PGGHG: variants seen among roughly 807,000 people sequenced by gnomAD.
The protein encoded by PGGHG is ATH1, acid trehalase-like 1.
Under a neutral mutation model 74.5 loss-of-function variants are expected in PGGHG, and 67 were observed. That is an observed-to-expected ratio of 0.90 (90% CI 0.74 to 1.10). PGGHG has a LOEUF of 1.10. PGGHG is among the 50% of genes least tolerant of loss of function. The pLI is 0.00. For missense variants in PGGHG, 1,034 were observed against 981.5 expected (o/e 1.05, Z -0.72); for synonymous variants, 496 against 419.9 (o/e 1.18, Z -2.21).
In PGGHG at chr11:291,608, CT is replaced by C. The variant is rs1052732919; in HGVS notation, c.907-367del. 2.1e-5 allele frequency: 6 copies of C among 283,866 alleles called. No homozygotes were observed. The Admixed American group carries it at 2.5e-4, about 12-fold the overall frequency. 17.6% of individuals were successfully genotyped at this position (283,866 alleles called of 1,614,324 possible). ...GGTGTCGAGAGTGACTGTGCTGGGG[CT>C]GCTCCATCGTTGTCTGAGCCTCCCG... On this transcript the variant is annotated intron_variant, in intron 4 of 13. Transcript: ENST00000409548.
rs1298981140 is a variant in PGGHG, at chr11:292,081, A to C, written c.1012A>C (p.Asn338His). Reference protein sequence around the residue: ...TLDGALENAQNLGYQGAKFAW... With the variant: ...TLDGALENAQHLGYQGAKFAW... Reference sequence around the variant, plus strand: ...GGACGGGGCCCTGGAGAACGCCCAGAACCTGGGCTACCAGGTGAGGGGACC... The same window carrying C: ...GGACGGGGCCCTGGAGAACGCCCAGCACCTGGGCTACCAGGTGAGGGGACC... The change falls in exon 5 of 14, where the codon AAC (asparagine) becomes CAC (histidine). Residue 338 changes from asparagine to histidine, a missense_variant. Transcript: ENST00000409548. The C allele has an allele frequency of 6.4e-7, 1 of 1,563,400 alleles. No individual in the cohort carries two copies. Among genetic ancestry groups the C allele is most frequent in the Non-Finnish European group, 8.7e-7 (1 of 1,153,848 alleles).
intron 9 of PGGHG, 23 bp downstream of exon 9, chr11:293,525 TC>T: frequency 1.9e-6 from 3 of 1,611,720 alleles, no homozygotes; most frequent in Non-Finnish European, 8.5e-7. Context: ...CTTCAAGGGC[TC>T]CTCCCCTGCC....
rs149574885 is a variant in PGGHG, at chr11:294,460, C to T, written c.2002C>T (p.Arg668Trp). ...GGCTGAGCTGTGGCCATCCCAGTCC[C>T]GGCTCTCCCTGTTGCCAGGTAGAAC... ...LEAELWPSQS[R>W]LSLLPGHKVS... Residue 668 changes from arginine to tryptophan, a missense_variant, in exon 13 of 14, where the codon CGG becomes TGG. Arg to Trp is a moderately radical substitution (Grantham distance 101). Transcript: ENST00000409548. 2.5e-5 allele frequency: 32 copies of T among 1,300,350 alleles called. No homozygotes were observed. Among genetic ancestry groups the T allele is most frequent in the Non-Finnish European group, 2.9e-5 (29 of 987,448 alleles). The allele number at this position is 1,300,350 out of a possible 1,614,324, so 80.6% of individuals were successfully genotyped here.
rs566025700 is a variant in PGGHG, at chr11:290,453, G to A, written c.323G>A (p.Arg108His). The change falls in exon 3 of 14, where the codon CGC becomes CAC. Residue 108 changes from arginine (R) to histidine (H), a missense_variant. Physicochemically the swap from Arg to His is conservative, Grantham distance 29. Coordinates refer to ENST00000409548, the MANE Select transcript of PGGHG (RefSeq NM_025092.5). ...FRASQCIYAH[R>H]TLPHVLAFRV... The stretch of plus-strand genomic sequence containing the variant: ...GCCTCCCAGTGCATCTATGCGCATC[G>A]CACGCTGCCCCACGTGCTGGCTTTC... 5.2e-6 allele frequency: 8 copies of A among 1,549,390 alleles called. No homozygotes were observed. The highest frequency in any genetic ancestry group is 2.4e-5 in the East Asian group (1 of 40,918).
Position 293,688 on chromosome 11 carries a change from C to A in PGGHG, c.1575C>A (p.Tyr525Ter), listed in dbSNP as rs569659086. The change falls in exon 10 of 14, where the codon TAC (tyrosine) becomes TAA (stop). Residue 525 changes from tyrosine to a stop codon, truncating the protein, a stop_gained. Coordinates refer to ENST00000409548, the MANE Select transcript of PGGHG (RefSeq NM_025092.5). LOFTEE classifies it high-confidence loss of function. The part of the protein sequence containing the change: ...PDVRRKNLEI[Y>*]EAVTSPQGPA... Reference sequence around the variant, plus strand: ...TTCGCAGGAAAAATCTGGAGATTTACGAGGCTGTGACGTCCCCCCAGGGCC... The same window carrying A: ...TTCGCAGGAAAAATCTGGAGATTTAAGAGGCTGTGACGTCCCCCCAGGGCC... The A allele has an allele frequency of 1.9e-6, 3 of 1,613,250 alleles. No individual in the cohort carries two copies. Among genetic ancestry groups the A allele is most frequent in the Non-Finnish European group, 2.5e-6 (3 of 1,179,974 alleles).
At position 290,567 on chromosome 11, in the gene PGGHG, A is replaced by C; in HGVS notation, c.437A>C (p.Asp146Ala). 2 of 1,552,616 alleles carry C rather than the reference A, an allele frequency of 1.3e-6. No individual in the cohort carries two copies. Among genetic ancestry groups the C allele is most frequent in the Non-Finnish European group, 1.7e-6 (2 of 1,148,010 alleles). The change falls in exon 3 of 14, where the codon GAC (aspartate) becomes GCC (alanine). Residue 146 changes from aspartate to alanine, a missense_variant. Transcript: ENST00000409548. ...TTCTCCCCAGAAAGCCCAGACCTGG[A>C]CCTGCATCAGGGTCCTGACTTCCAG... The part of the protein sequence containing the change: ...SAFSPESPDL[D>A]LHQGPDFQGA...
In PGGHG at chr11:289,293, C is replaced by T. The variant is rs1192346072; in HGVS notation, c.-14+54C>T. 1 of 146,528 alleles carries T rather than the reference C, an allele frequency of 6.8e-6. No homozygotes were observed. Among genetic ancestry groups the T allele is most frequent in the African/African-American group, 2.5e-5 (1 of 40,160 alleles). The allele number at this position is 146,528 out of a possible 1,614,324, so 9.1% of individuals were successfully genotyped here. The stretch of plus-strand genomic sequence containing the variant: ...CTCCCGGCCGCCCCGGCCCGTCCCC[C>T]CAGCCCCCGGTCGCCCCATCCTCCC... On this transcript the variant is annotated intron_variant, in intron 1 of 13. Transcript: ENST00000409548. This position sits in a 1 kb window ranked among gnomAD's most constrained non-coding sequence, Gnocchi z 5.6.
Position 289,210 on chromosome 11 carries a change from G to C in PGGHG, c.-43G>C, listed in dbSNP as rs1845642684. The stretch of plus-strand genomic sequence containing the variant: ...GGAGCAGAGGGACACAGGTTCCCAC[G>C]CTGGCGCCCGGCGACCGGGTGGGGC... On this transcript the variant is annotated 5_prime_UTR_variant, in exon 1 of 14. Coordinates refer to ENST00000409548, the MANE Select transcript of PGGHG (RefSeq NM_025092.5). This position sits in a 1 kb window ranked among gnomAD's most constrained non-coding sequence, Gnocchi z 5.6. 1 of 151,178 alleles carries C rather than the reference G, an allele frequency of 6.6e-6. No homozygotes were observed. Among genetic ancestry groups the C allele is most frequent in the Admixed American group, 6.6e-5 (1 of 15,222 alleles). 9.4% of individuals were successfully genotyped at this position (151,178 alleles called of 1,614,324 possible). A position where few individuals can be genotyped will look rare whatever the true frequency, so the allele number is the denominator to read the frequency against.
rs376440498 is a variant in PGGHG at position 290,699 on chromosome 11, C to G, written c.492C>G (p.Leu164=). 6 of 1,603,502 alleles carry G rather than the reference C, an allele frequency of 3.7e-6. No homozygotes were observed. The highest frequency in any genetic ancestry group is 1.3e-5 in the African/African-American group (1 of 74,754). ...ACAGGTACCTGTATGGCCACACCCT[C>G]ACCCCTGAGCAGCCCGGGGGGCCAC... is the stretch of plus-strand genomic sequence containing the variant. ...QGARYLYGHT[L]TPEQPGGPQQ... Residue 164 remains leucine, a synonymous_variant, in exon 4 of 14, where the codon CTC becomes CTG. Transcript: ENST00000409548.
At chr11:293,780 G>C in intron 10 of PGGHG, 50 bp from the exon 11 acceptor site, 1 of 1,613,418 alleles carries the variant, frequency 6.2e-7, no homozygotes, top group Non-Finnish European at 8.5e-7. Context: ...AGTCTTCTCT[G>C]CCCACGCAGT....
At chr11:293,087 C>T (rs1332964160) in intron 7 of PGGHG, 76 bp from the exon 8 acceptor site, 1 of 1,613,800 alleles carries the variant, frequency 6.2e-7, no homozygotes, top group East Asian at 2.2e-5. Flanking sequence ...GTGTGCCAGC[C>T]CCACGCTGAC....
At position 289,646 on chromosome 11, in the gene PGGHG, C is replaced by T. The variant is rs952045311; in HGVS notation, c.-13-158C>T. On this transcript the variant is annotated intron_variant, in intron 1 of 13. Transcript: ENST00000409548. This position sits in a 1 kb window ranked among gnomAD's most constrained non-coding sequence, Gnocchi z 5.6. ...CTCTGAGAGTCGAGCTCCTTTCCTG[C>T]GAGGCCCCGTCTAGGAGGGGCCTCA... The T allele has an allele frequency of 2.2e-6, 2 of 901,192 alleles. No homozygotes were observed. The highest frequency in any genetic ancestry group is 1.7e-5 in the African/African-American group (1 of 59,074). The allele number at this position is 901,192 out of a possible 1,614,324, so 55.8% of individuals were successfully genotyped here. A position where few individuals can be genotyped will look rare whatever the true frequency, so the allele number is the denominator to read the frequency against.
At chr11:290,355 T>G in intron 2 of PGGHG, 35 bp from the exon 3 acceptor site, 1 of 1,530,858 alleles carries the variant, frequency 6.5e-7, no homozygotes, top group Non-Finnish European at 8.8e-7. Context: ...GGCCATAGCT[T>G]GGCAACCCAC....
intron 4 of PGGHG, chr11:291,549 A>G (rs1564840258): frequency 4.1e-6 from 1 of 244,600 alleles, no homozygotes. Flanking sequence ...CTGAGGGCAC[A>G]GAGCGGAGGG....
rs758981786 is a variant in PGGHG at position 290,415 on chromosome 11, C to G, written c.285C>G (p.Gly95=). ...NTGSFLHTLE[G]PRFRASQCIY... The stretch of plus-strand genomic sequence containing the variant: ...GCTCCTTTCTTCACACCCTGGAGGG[C>G]CCCCGCTTCCGGGCCTCCCAGTGCA... Residue 95 remains glycine (G), a synonymous_variant, in exon 3 of 14, where the codon GGC becomes GGG. Transcript: ENST00000409548. 6.5e-7 allele frequency: 1 copy of G among 1,547,122 alleles called. No homozygotes were observed. Among genetic ancestry groups the G allele is most frequent in the South Asian group, 1.2e-5 (1 of 83,980 alleles).
rs1185787241 is a variant in PGGHG at position 292,614 on chromosome 11, C to T, written c.1095C>T (p.Val365=). 2 of 1,613,736 alleles carry T rather than the reference C, an allele frequency of 1.2e-6. No homozygotes were observed. The highest frequency in any genetic ancestry group is 1.7e-6 in the Non-Finnish European group (2 of 1,180,008). Residue 365 remains valine (V), a synonymous_variant, in exon 6 of 14, where the codon GTC becomes GTT. Transcript: ENST00000409548. ...LEVCPEDIYG[V]QEVHVNGAVV... is the part of the protein sequence containing the mutation. ...TTTGCCCTGAGGACATTTACGGAGT[C>T]CAGGAGGTCCACGTCAACGGGGCCG...
chr11:291,853 T>C, intron 4 of PGGHG, 123 bp from the exon 5 acceptor site: 1 of 1,372,578 alleles, frequency 7.3e-7, no homozygotes, highest in Non-Finnish European at 9.6e-7. Context: ...CAGATCTGAG[T>C]GGGCAGCCGA....
At position 292,567 on chromosome 11, in the gene PGGHG, A is replaced by G; in HGVS notation, c.1048A>G (p.Ser350Gly). Reference protein sequence around the residue: ...GYQGAKFAWESADSGLEVCPE... With the variant: ...GYQGAKFAWEGADSGLEVCPE... ...TCAGGGAGCCAAGTTTGCCTGGGAG[A>G]GTGCAGACTCCGGCCTAGAGGTTTG... Residue 350 changes from serine (S) to glycine (G), a missense_variant, in exon 6 of 14, where the codon AGT becomes GGT. By Grantham distance (56) the Ser-to-Gly change is moderately conservative. Transcript: ENST00000409548. The G allele has an allele frequency of 6.2e-7, 1 of 1,613,358 alleles. No individual in the cohort carries two copies.
Position 291,006 on chromosome 11 carries a change from C to CT in PGGHG, c.800dup (p.Pro268AlafsTer24). The CT allele has an allele frequency of 6.2e-7, 1 of 1,612,696 alleles. No homozygotes were observed. Among genetic ancestry groups the CT allele is most frequent in the Non-Finnish European group, 8.5e-7 (1 of 1,179,964 alleles). On this transcript the variant is annotated frameshift_variant, in exon 4 of 14. Coordinates refer to ENST00000409548, the MANE Select transcript of PGGHG (RefSeq NM_025092.5). LOFTEE classifies it high-confidence loss of function. ...CTCCCTCTACTACCTGCTCAGTGCC[C>CT]TGCCCCAGCCCAAGGCCCCAGGATA...
Sources: allele counts gnomAD v4.1 joint callset, GRCh38; gene constraint gnomAD v4.1.1; non-coding constraint Gnocchi (gnomAD v3.1); transcripts MANE v1.5; gene names NCBI Gene and HGNC (gene_info 2026-07-23, HGNC 2026-07-21).